Variants in EEPD1 observed in about 807,000 individuals in gnomAD.
The protein encoded by EEPD1 is endonuclease/exonuclease/phosphatase family domain-containing protein 1.
In EEPD1, 17 loss-of-function variants were observed where a neutral mutation model predicts 46.3. That is an observed-to-expected ratio of 0.37 (90% confidence interval 0.25 to 0.55). The LOEUF (loss-of-function observed/expected upper bound fraction) is 0.55, where lower values mean the gene tolerates loss of function less well. EEPD1 is among the 20% of genes least tolerant of loss of function. The pLI is 0.83. For synonymous variants in EEPD1, 313 were observed against 315.6 expected (o/e 0.99, Z 0.09); for missense variants, 673 against 745.6 (o/e 0.90, Z 1.13).
chr7:36,154,435 G>T lies in EEPD1; in HGVS notation c.111G>T (p.Gln37His), dbSNP rs772804886. ...ACNFSNILVN[Q>H]ERLNINTATE... is the part of the protein sequence containing the mutation. ...ACTTCAGCAACATTCTAGTGAATCA[G>T]GAGCGGCTCAACATCAACACTGCCA... The change falls in exon 2 of 8, where the codon CAG becomes CAT. Residue 37 changes from glutamine (Q) to histidine (H), a missense_variant. By Grantham distance (24) the Gln-to-His change is conservative. Transcript: ENST00000242108. The surrounding 1 kb of genome is among the most constrained non-coding windows in gnomAD (Gnocchi z 4.2). 6.2e-7 allele frequency: 1 copy of T among 1,614,204 alleles called. No homozygotes were observed. Among genetic ancestry groups the T allele is most frequent in the Non-Finnish European group, 8.5e-7 (1 of 1,180,042 alleles).
chr7:36,211,380 G>T (rs1366943689), intron 2 of EEPD1, among the ~76,000 whole-genome samples: 1 of 152,176 alleles, frequency 6.6e-6, no homozygotes, highest in Admixed American at 6.5e-5. Context: ...TTAATAGATG[G>T]TGAAGCAGCG....
chr7:36,169,175 A>G (rs1229041327), intron 2 of EEPD1, among the ~76,000 whole-genome samples: 1 of 152,228 alleles, frequency 6.6e-6, no homozygotes, highest in Non-Finnish European at 1.5e-5. Flanking sequence ...AATGCTGCTA[A>G]GAACATTCAT....
chr7:36,160,841 G>A (rs1314713142), intron 2 of EEPD1, among the ~76,000 whole-genome samples: 1 of 152,198 alleles, frequency 6.6e-6, no homozygotes, highest in African/African-American at 2.4e-5. Flanking sequence ...TGGATAGTGT[G>A]AGATTCAGCA....
chr7:36,293,109 A>G (rs1443147705), intron 6 of EEPD1, among the ~76,000 whole-genome samples: 1 of 152,254 alleles, frequency 6.6e-6, no homozygotes, highest in African/African-American at 2.4e-5. Context: ...AAATTTAAAA[A>G]TAACCATTAG....
At chr7:36,265,233 A>G (rs1249622073) in intron 3 of EEPD1, among the ~76,000 whole-genome samples, 6 of 152,228 alleles carry the variant, frequency 3.9e-5, no homozygotes, top group Non-Finnish European at 7.3e-5. Flanking sequence ...GCTTCTTCAC[A>G]GAAATATGCC....
intron 3 of EEPD1, among the ~76,000 whole-genome samples, chr7:36,261,371 C>T (rs929384912): frequency 6.6e-6 from 1 of 152,140 alleles, no homozygotes; most frequent in East Asian, 1.9e-4. Context: ...TCCCTCCTGC[C>T]TTGTTAGTCT....
chr7:36,182,042 G>A (rs1785276123), intron 2 of EEPD1, among the ~76,000 whole-genome samples: 1 of 152,192 alleles, frequency 6.6e-6, no homozygotes, highest in Non-Finnish European at 1.5e-5. Context: ...ATAGCATGGG[G>A]GAAAGTAAAA....
intron 2 of EEPD1, among the ~76,000 whole-genome samples, chr7:36,178,453 TCTC>T: frequency 6.6e-6 from 1 of 152,356 alleles, no homozygotes; most frequent in South Asian, 2.1e-4. Flanking sequence ...CCCTTCTTGG[TCTC>T]CTCATCTCAT....
chr7:36,232,744 G>C (rs928957009), intron 2 of EEPD1, among the ~76,000 whole-genome samples: 8 of 151,562 alleles, frequency 5.3e-5, no homozygotes, highest in Middle Eastern at 6.8e-3. Flanking sequence ...GGGTAGCACT[G>C]TGCATGCCAG....
chr7:36,287,982 C>T (rs1416925173), intron 6 of EEPD1, among the ~76,000 whole-genome samples: 2 of 152,174 alleles, frequency 1.3e-5, no homozygotes, highest in Non-Finnish European at 2.9e-5. Context: ...CTAGCATATG[C>T]GTTCCAAGCT....
intron 2 of EEPD1, among the ~76,000 whole-genome samples, chr7:36,190,834 C>T (rs1250850822): frequency 6.6e-6 from 1 of 152,214 alleles, no homozygotes; most frequent in East Asian, 1.9e-4. Context: ...GAGAAGCCCA[C>T]CCTGGGGTAA....
In EEPD1 at chr7:36,154,996, G is replaced by A; in HGVS notation, c.672G>A (p.Leu224=). 6 of 1,612,802 alleles carry A rather than the reference G, an allele frequency of 3.7e-6. No homozygotes were observed. Among genetic ancestry groups the A allele is most frequent in the Non-Finnish European group, 5.1e-6 (6 of 1,179,220 alleles). ...AGCCTCACCCGAGCCCCACTTCCCT[G>A]AGCCTGCAGAGTGAGGACCTGGACC... ...TAKPHPSPTS[L]SLQSEDLDLP... Residue 224 remains leucine (L), a synonymous_variant, in exon 2 of 8, where the codon CTG becomes CTA. Transcript: ENST00000242108. This position sits in a 1 kb window ranked among gnomAD's most constrained non-coding sequence, Gnocchi z 4.2.
chr7:36,295,698 A>G (rs982809585), intron 6 of EEPD1, among the ~76,000 whole-genome samples: 2 of 152,156 alleles, frequency 1.3e-5, no homozygotes, highest in African/African-American at 4.8e-5. Context: ...GAGCCTTAAC[A>G]ATGGCCATAG....
At chr7:36,240,174 C>T (rs1786534484) in intron 3 of EEPD1, among the ~76,000 whole-genome samples, 1 of 152,120 alleles carries the variant, frequency 6.6e-6, no homozygotes, top group African/African-American at 2.4e-5. Flanking sequence ...GAGGCTGAGG[C>T]AGGAGGATCA....
At chr7:36,222,337 C>T (rs1786160414) in intron 2 of EEPD1, among the ~76,000 whole-genome samples, 2 of 152,138 alleles carry the variant, frequency 1.3e-5, no homozygotes, top group Non-Finnish European at 2.9e-5. Flanking sequence ...AGTGGATTAT[C>T]ATAAAGGTCT....
intron 3 of EEPD1, among the ~76,000 whole-genome samples, chr7:36,250,690 G>T (rs1335359410): frequency 2.0e-5 from 3 of 152,142 alleles, no homozygotes; most frequent in Non-Finnish European, 4.4e-5. Context: ...GATCAGTGGT[G>T]CTTGGCTATT....
In EEPD1 at chr7:36,284,536, G is replaced by T. The variant is rs881854; in HGVS notation, c.1042-150G>T. 843 of 927,448 alleles carry T rather than the reference G, an allele frequency of 9.1e-4. 6 individuals carry two copies. In the African/African-American group the frequency reaches 0.012, roughly 14 times the overall value. The allele number at this position is 927,448 out of a possible 1,614,324, so 57.5% of individuals were successfully genotyped here. ...GGCTGGGGAAGGGCAAGGGAGAGTG[G>T]CTGTGGCTTTCGTGGTGTGCTTTTG... is the stretch of plus-strand genomic sequence containing the variant. On this transcript the variant is annotated intron_variant, in intron 4 of 7. Transcript: ENST00000242108.
At chr7:36,265,418 T>C (rs1293652194) in intron 3 of EEPD1, among the ~76,000 whole-genome samples, 2 of 152,196 alleles carry the variant, frequency 1.3e-5, no homozygotes, top group Non-Finnish European at 2.9e-5. Context: ...TAGTCTTCAG[T>C]GTTTACAGAC....
At position 36,299,332 on chromosome 7, in the gene EEPD1, G is replaced by T; in HGVS notation, c.*126G>T. 2 of 1,177,560 alleles carry T rather than the reference G, an allele frequency of 1.7e-6. No individual in the cohort carries two copies. Among genetic ancestry groups the T allele is most frequent in the Non-Finnish European group, 1.2e-6 (1 of 847,530 alleles). The allele number at this position is 1,177,560 out of a possible 1,614,324, so 72.9% of individuals were successfully genotyped here. ...TATTCTCAGAGCATCAGCACTTGAG[G>T]CCTTGCCCCACGCCTTCTCTGTGGA... On this transcript the variant is annotated 3_prime_UTR_variant, in exon 8 of 8. Coordinates refer to ENST00000242108, the MANE Select transcript of EEPD1 (RefSeq NM_030636.3).
Sources: gnomAD v4.1 joint callset for allele counts (sites outside exome capture counted in the v4.1 genomes callset) on GRCh38, gnomAD v4.1.1 for gene constraint, Gnocchi (gnomAD v3.1) non-coding constraint, MANE v1.5 for transcripts, NCBI Gene and HGNC (gene_info 2026-07-23, HGNC 2026-07-21) for gene names.